Variants in ELOVL6 observed in about 807,000 individuals in gnomAD.
The protein encoded by ELOVL6 is ELOVL fatty acid elongase 6.
In ELOVL6, 8 loss-of-function variants were observed where a neutral mutation model predicts 31.7. That is an observed-to-expected ratio of 0.25 (90% confidence interval 0.15 to 0.45). The LOEUF (loss-of-function observed/expected upper bound fraction) is 0.45, where lower values mean the gene tolerates loss of function less well. Among genes scored for constraint, ELOVL6 ranks in the 20% least tolerant of loss-of-function variants. The pLI is 1.00. For synonymous variants in ELOVL6, 101 were observed against 117.7 expected (o/e 0.86, Z 0.92); for missense variants, 126 against 326.4 (o/e 0.39, Z 4.73).
chr4:110,145,659 G>C (rs1758083415), intron 1 of ELOVL6, among the ~76,000 whole-genome samples: 1 of 151,474 alleles, frequency 6.6e-6, no homozygotes, highest in South Asian at 2.1e-4. Flanking sequence ...CTGTAAAGTG[G>C]AGATAATACC....
intron 1 of ELOVL6, among the ~76,000 whole-genome samples, chr4:110,189,754 G>A (rs2126281454): frequency 6.6e-6 from 1 of 152,012 alleles, no homozygotes; most frequent in Admixed American, 6.6e-5. Context: ...AGATCACAAG[G>A]TCAGGAGATC....
At chr4:110,191,538 T>A (rs1416496011) in intron 1 of ELOVL6, among the ~76,000 whole-genome samples, 1 of 152,214 alleles carries the variant, frequency 6.6e-6, no homozygotes, top group African/African-American at 2.4e-5. Flanking sequence ...TGTGTCCATA[T>A]GTGAAAAATT....
chr4:110,159,358 GATGACAAA>G (rs1758564222), intron 1 of ELOVL6, among the ~76,000 whole-genome samples: 1 of 152,090 alleles, frequency 6.6e-6, no homozygotes. Flanking sequence ...ATAATAACTT[GATGACAAA>G]AGTTACTTTG....
At chr4:110,067,718 G>A (rs770715286) in intron 2 of ELOVL6, among the ~76,000 whole-genome samples, 11 of 152,256 alleles carry the variant, frequency 7.2e-5, no homozygotes, top group Non-Finnish European at 1.5e-4. Context: ...AACATAAGGA[G>A]CAGGACAATA....
intron 1 of ELOVL6, among the ~76,000 whole-genome samples, chr4:110,127,187 T>C (rs370975771): frequency 6.6e-6 from 1 of 151,824 alleles, no homozygotes; most frequent in African/African-American, 2.4e-5. Flanking sequence ...GATGGTTGGA[T>C]CACAAGGTCA....
At chr4:110,065,765 A>T (rs1755281906) in intron 2 of ELOVL6, among the ~76,000 whole-genome samples, 1 of 152,236 alleles carries the variant, frequency 6.6e-6, no homozygotes, top group Non-Finnish European at 1.5e-5. Context: ...AAAATGGAAT[A>T]GCTCAGTAAT....
chr4:110,113,170 G>A (rs963268081), intron 1 of ELOVL6, among the ~76,000 whole-genome samples: 1 of 150,900 alleles, frequency 6.6e-6, no homozygotes, highest in Non-Finnish European at 1.5e-5. Context: ...ATAGGCTGCA[G>A]CGAGCCAGGA....
chr4:110,132,619 G>A (rs1459802654), intron 1 of ELOVL6, among the ~76,000 whole-genome samples: 1 of 151,916 alleles, frequency 6.6e-6, no homozygotes, highest in Non-Finnish European at 1.5e-5. Context: ...TTGAGGTCAG[G>A]AGTTCAAGAC....
At chr4:110,122,538 G>A (rs1757383597) in intron 1 of ELOVL6, among the ~76,000 whole-genome samples, 1 of 152,104 alleles carries the variant, frequency 6.6e-6, no homozygotes, top group African/African-American at 2.4e-5. Flanking sequence ...CACCACACCT[G>A]GCTAATTTTT....
chr4:110,051,844 T>C lies in ELOVL6; in HGVS notation c.374-82A>G. 1 of 1,199,692 alleles carries C rather than the reference T, an allele frequency of 8.3e-7. No homozygotes were observed. Among genetic ancestry groups the C allele is most frequent in the South Asian group, 1.5e-5 (1 of 68,556 alleles). 74.3% of individuals were successfully genotyped at this position (1,199,692 alleles called of 1,614,324 possible). On this transcript the variant is annotated intron_variant, in intron 3 of 3. Coordinates refer to ENST00000302274, the MANE Select transcript of ELOVL6 (RefSeq NM_024090.3). The surrounding 1 kb of genome is among the most constrained non-coding windows in gnomAD (Gnocchi z 4.8). The stretch of plus-strand genomic sequence containing the variant: ...TTACAGTTTTGTAAGAGGGTAGACA[T>C]CCTGAGCTAGGACTGGAGAGTTACA...
At chr4:110,095,587 G>A (rs1383074491) in intron 2 of ELOVL6, among the ~76,000 whole-genome samples, 1 of 152,052 alleles carries the variant, frequency 6.6e-6, no homozygotes, top group East Asian at 1.9e-4. Context: ...AGTTTGCATA[G>A]GGCAGTGGTA....
At chr4:110,123,310 A>G (rs1757404189) in intron 1 of ELOVL6, among the ~76,000 whole-genome samples, 1 of 152,214 alleles carries the variant, frequency 6.6e-6, no homozygotes, top group Admixed American at 6.5e-5. Flanking sequence ...CAGAAAGAAT[A>G]CTACAAATTA....
At chr4:110,154,906 C>T (rs1193487562) in intron 1 of ELOVL6, among the ~76,000 whole-genome samples, 1 of 152,168 alleles carries the variant, frequency 6.6e-6, no homozygotes. Context: ...GGACTTTCCA[C>T]AAAGAGAGAT....
chr4:110,152,586 A>C (rs888856743), intron 1 of ELOVL6, among the ~76,000 whole-genome samples: 14 of 152,182 alleles, frequency 9.2e-5, no homozygotes, highest in African/African-American at 3.4e-4. Context: ...GATATATTTG[A>C]ACATATGAAA....
At chr4:110,121,830 C>T (rs1757367167) in intron 1 of ELOVL6, among the ~76,000 whole-genome samples, 3 of 152,182 alleles carry the variant, frequency 2.0e-5, no homozygotes, top group African/African-American at 7.2e-5. Flanking sequence ...TTCTTTAGGT[C>T]ACATTCATAA....
chr4:110,184,021 C>G (rs1237871451), intron 1 of ELOVL6, among the ~76,000 whole-genome samples: 1 of 152,110 alleles, frequency 6.6e-6, no homozygotes, highest in Non-Finnish European at 1.5e-5. Context: ...ATAAAAAAAT[C>G]ATCTCTCTCT....
intron 1 of ELOVL6, among the ~76,000 whole-genome samples, chr4:110,197,303 C>T (rs138886590): frequency 6.6e-6 from 1 of 152,220 alleles, no homozygotes; most frequent in East Asian, 1.9e-4. Context: ...AGCACACCCT[C>T]CTCTGTTAAA....
chr4:110,076,448 G>T (rs1051109376), intron 2 of ELOVL6, among the ~76,000 whole-genome samples: 1 of 152,102 alleles, frequency 6.6e-6, no homozygotes, highest in African/African-American at 2.4e-5. Flanking sequence ...CTGCTTTGTG[G>T]CACTTGCTTT....
At chr4:110,182,862 T>C (rs28397805) in intron 1 of ELOVL6, among the ~76,000 whole-genome samples, 60,250 of 151,588 alleles carry the variant, frequency 0.4, 12,191 homozygotes, top group South Asian at 0.51. Context: ...GAGCCAAGAT[T>C]GCGCCATTGC....
Sources: allele counts gnomAD v4.1 joint callset (sites outside exome capture counted in the v4.1 genomes callset), GRCh38; gene constraint gnomAD v4.1.1; non-coding constraint Gnocchi (gnomAD v3.1); transcripts MANE v1.5; gene names NCBI Gene and HGNC (gene_info 2026-07-23, HGNC 2026-07-21).